Variants in SPIN1 observed in about 807,000 individuals in gnomAD.
SPIN1 encodes spindlin 1, also known as spindlin-1.
A neutral mutation model predicts 26.0 loss-of-function variants in SPIN1; 3 were observed. The observed-to-expected ratio is 0.12, with a 90% CI of 0.05 to 0.30. SPIN1 has a LOEUF of 0.30. Among genes scored for constraint, SPIN1 ranks in the 10% least tolerant of loss-of-function variants. The pLI is 1.00. For synonymous variants in SPIN1, 101 were observed against 116.5 expected (o/e 0.87, Z 0.86); for missense variants, 126 against 333.4 (o/e 0.38, Z 4.84).
At chr9:88,412,178 CA>C (rs959309571) in intron 1 of SPIN1, among the ~76,000 whole-genome samples, 1 of 148,394 alleles carries the variant, frequency 6.7e-6, no homozygotes, top group African/African-American at 2.5e-5. Flanking sequence ...GACTGCATCT[CA>C]AAAAAAAACA....
chr9:88,409,195 A>G (rs886752333), intron 1 of SPIN1, among the ~76,000 whole-genome samples: 5 of 144,586 alleles, frequency 3.5e-5, no homozygotes, highest in African/African-American at 1.0e-4. Context: ...GGGTTTTTTC[A>G]TGTTGATCAG....
chr9:88,439,471 CATAA>C (rs778952035), intron 2 of SPIN1, among the ~76,000 whole-genome samples: 3 of 152,116 alleles, frequency 2.0e-5, no homozygotes, highest in South Asian at 4.1e-4. Flanking sequence ...TTATATGAAA[CATAA>C]ATAAATTTTG....
At chr9:88,406,120 C>T (rs1046496797) in intron 1 of SPIN1, among the ~76,000 whole-genome samples, 1 of 151,790 alleles carries the variant, frequency 6.6e-6, no homozygotes, top group Non-Finnish European at 1.5e-5. Flanking sequence ...ATCTGCCCAC[C>T]TTGGCCTCCC....
At chr9:88,452,378 C>A (rs75797362) in intron 3 of SPIN1, among the ~76,000 whole-genome samples, 2,835 of 152,260 alleles carry the variant, frequency 0.019, 81 homozygotes, top group African/African-American at 0.062. Context: ...TACTGAACTG[C>A]AGGTTTTGTT....
intron 1 of SPIN1, among the ~76,000 whole-genome samples, chr9:88,402,243 T>A (rs1827201850): frequency 6.6e-6 from 1 of 152,212 alleles, no homozygotes; most frequent in Admixed American, 6.5e-5. Flanking sequence ...TCCGCCTGCC[T>A]CAGCCTCCCA....
chr9:88,444,301 C>T (rs904386512), intron 2 of SPIN1, among the ~76,000 whole-genome samples: 1 of 135,306 alleles, frequency 7.4e-6, no homozygotes, highest in Non-Finnish European at 1.5e-5. Flanking sequence ...AGTGCAGTGG[C>T]GGGATCGCGG....
At chr9:88,412,514 G>C (rs529801186) in intron 1 of SPIN1, among the ~76,000 whole-genome samples, 1 of 152,146 alleles carries the variant, frequency 6.6e-6, no homozygotes, top group African/African-American at 2.4e-5. Flanking sequence ...TTTGGGCAGA[G>C]GGGGTTGTGC....
chr9:88,424,784 G>A (rs544333241), intron 1 of SPIN1, among the ~76,000 whole-genome samples: 31 of 152,284 alleles, frequency 2.0e-4, no homozygotes, highest in South Asian at 6.2e-4. Context: ...AGGGTAAGTG[G>A]TTTGAAGGTA....
At chr9:88,444,326 C>T (rs1426798116) in intron 2 of SPIN1, among the ~76,000 whole-genome samples, 3 of 150,212 alleles carry the variant, frequency 2.0e-5, no homozygotes, top group Admixed American at 1.3e-4. Context: ...CTGCAAGCTC[C>T]GCCTCCCGGG....
intron 2 of SPIN1, among the ~76,000 whole-genome samples, chr9:88,447,675 G>A (rs1828277827): frequency 6.6e-6 from 1 of 152,194 alleles, no homozygotes; most frequent in Admixed American, 6.5e-5. Context: ...TCCCCCAAAT[G>A]CAGACTTTTT....
intron 2 of SPIN1, among the ~76,000 whole-genome samples, chr9:88,448,346 GTTT>G (rs998542220): frequency 6.6e-6 from 1 of 151,804 alleles, no homozygotes; most frequent in Non-Finnish European, 1.5e-5. Context: ...ACCCAGTTAA[GTTT>G]TTTTGTTTTT....
At chr9:88,472,335 A>C (rs1316752188) in intron 5 of SPIN1, among the ~76,000 whole-genome samples, 1 of 152,082 alleles carries the variant, frequency 6.6e-6, no homozygotes, top group African/African-American at 2.4e-5. Flanking sequence ...CTCAGGTTCC[A>C]GCGATTCTCC....
chr9:88,392,267 C>G (rs898413022), intron 1 of SPIN1, among the ~76,000 whole-genome samples: 1 of 152,122 alleles, frequency 6.6e-6, no homozygotes, highest in Non-Finnish European at 1.5e-5. Context: ...TATGTTTTTA[C>G]TGGGAGCCTG....
chr9:88,454,930 G>A (rs988797052), intron 3 of SPIN1, among the ~76,000 whole-genome samples: 1 of 152,142 alleles, frequency 6.6e-6, no homozygotes, highest in African/African-American at 2.4e-5. Flanking sequence ...GCCTTGAGGG[G>A]AAAATTACCG....
intron 3 of SPIN1, among the ~76,000 whole-genome samples, 164 bp downstream of exon 3, chr9:88,449,153 C>T (rs1828309759): frequency 6.6e-6 from 1 of 151,724 alleles, no homozygotes; most frequent in African/African-American, 2.4e-5. Flanking sequence ...TTCTCTGTCT[C>T]TTCCCTTCCC....
chr9:88,433,032 C>T (rs901881245), intron 2 of SPIN1, among the ~76,000 whole-genome samples: 1 of 151,266 alleles, frequency 6.6e-6, no homozygotes, highest in African/African-American at 2.4e-5. Flanking sequence ...TATTCTCATA[C>T]TTGTTTATTT....
chr9:88,444,993 C>T (rs183348922), intron 2 of SPIN1, among the ~76,000 whole-genome samples: 92 of 152,268 alleles, frequency 6.0e-4, no homozygotes, highest in African/African-American at 2.2e-3. Flanking sequence ...GCGCCCAGCC[C>T]CTTTTCTTGA....
chr9:88,452,648 A>T (rs552425766), intron 3 of SPIN1, among the ~76,000 whole-genome samples: 1 of 152,320 alleles, frequency 6.6e-6, no homozygotes, highest in East Asian at 1.9e-4. Flanking sequence ...GAAAGGAAAC[A>T]TGCTAATGTG....
chr9:88,461,311 T>C (rs2118184811), intron 3 of SPIN1, among the ~76,000 whole-genome samples: 2 of 152,214 alleles, frequency 1.3e-5, no homozygotes, highest in Middle Eastern at 3.4e-3. Flanking sequence ...GGCCTTACAG[T>C]CTTGCACTTA....
Sources: gnomAD v4.1 joint callset for allele counts (sites outside exome capture counted in the v4.1 genomes callset) on GRCh38, gnomAD v4.1.1 for gene constraint, MANE v1.5 for transcripts, NCBI Gene and HGNC (gene_info 2026-07-23, HGNC 2026-07-21) for gene names.